Variants in FBXO22 observed in about 807,000 individuals in gnomAD.
The protein encoded by FBXO22 is F-box protein 22.
Under a neutral mutation model 37.2 loss-of-function variants are expected in FBXO22, and 13 were observed. The observed-to-expected ratio is 0.35, with a 90% CI of 0.23 to 0.56. The LOEUF is 0.56. Ranked by LOEUF, FBXO22 falls within the 20% of genes least tolerant of loss-of-function variation. The pLI is 0.87. For missense variants in FBXO22, 446 were observed against 509.9 expected (o/e 0.87, Z 1.21); for synonymous variants, 189 against 189.1 (o/e 1.00, Z 0.00).
intron 6 of FBXO22, chr15:75,930,258 C>A: frequency 7.0e-7 from 1 of 1,420,544 alleles, no homozygotes; most frequent in Non-Finnish European, 9.2e-7. Context: ...TATTGTCCTT[C>A]AAGAACTTCC....
In FBXO22 at chr15:75,928,844, C is replaced by T. The variant is rs543691615; in HGVS notation, c.629-1040C>T. 5.3e-5 allele frequency among the ~76,000 whole-genome samples: 8 copies of T among 152,286 alleles called. No homozygotes were observed. In the East Asian group the frequency reaches 5.8e-4, roughly 11 times the overall value. ...TCTGTTACACTCTGCCACCTCCTAG[C>T]GGTAGCAGCTTTTAGTTCCTGTGTC... is the stretch of plus-strand genomic sequence containing the variant. On this transcript the variant is annotated intron_variant, in intron 5 of 6. Transcript: ENST00000308275.
chr15:75,923,159 C>A (rs1227258195), intron 5 of FBXO22, among the ~76,000 whole-genome samples: 2 of 152,142 alleles, frequency 1.3e-5, no homozygotes, highest in African/African-American at 2.4e-5. Context: ...CTGGTTGAAG[C>A]TAGGACCCTA....
In FBXO22 at chr15:75,935,002, G is replaced by A. The variant is rs1234983218; in HGVS notation, c.*1900G>A. ...TGTTAAAGCATTCCTTTTTATAGCT[G>A]AGCCTTTGGAGCTTGTTATGAACAG... On this transcript the variant is annotated 3_prime_UTR_variant, in exon 7 of 7. Coordinates refer to ENST00000308275, the MANE Select transcript of FBXO22 (RefSeq NM_147188.3). 4 of 152,184 alleles carry A rather than the reference G, an allele frequency of 2.6e-5. No individual in the cohort carries two copies. Among genetic ancestry groups the A allele is most frequent in the Admixed American group, 2.6e-4 (4 of 15,276 alleles). The allele number at this position is 152,184 out of a possible 1,614,324, so 9.4% of individuals were successfully genotyped here.
chr15:75,923,960 C>T (rs1229604983), intron 5 of FBXO22, among the ~76,000 whole-genome samples: 5 of 151,896 alleles, frequency 3.3e-5, no homozygotes, highest in Non-Finnish European at 5.9e-5. Context: ...GAGGTGACAG[C>T]GATGTCATGC....
intron 5 of FBXO22, among the ~76,000 whole-genome samples, chr15:75,927,419 A>G (rs1402447204): frequency 6.6e-6 from 1 of 152,172 alleles, no homozygotes; most frequent in African/African-American, 2.4e-5. Flanking sequence ...TTTAGAAGTC[A>G]TGAGGTTTCT....
intron 5 of FBXO22, among the ~76,000 whole-genome samples, chr15:75,923,302 C>T (rs554714335): frequency 6.6e-6 from 1 of 152,256 alleles, no homozygotes; most frequent in Non-Finnish European, 1.5e-5. Flanking sequence ...GAAAAACAAC[C>T]CCAGAATTAT....
Position 75,932,944 on chromosome 15 carries a change from G to A in FBXO22, c.1054G>A (p.Val352Ile). 6.2e-7 allele frequency: 1 copy of A among 1,614,186 alleles called. No individual in the cohort carries two copies. Residue 352 changes from valine to isoleucine, a missense_variant, in exon 7 of 7, where the codon GTT becomes ATT. Physicochemically the swap from Val to Ile is conservative, Grantham distance 29 (BLOSUM62 3). This residue lies in a region of FBXO22 where 315 missense variants were observed against 410.1 expected (regional missense o/e 0.77). Coordinates refer to ENST00000308275, the MANE Select transcript of FBXO22 (RefSeq NM_147188.3). ...TGCATTTAGAAAGTTTTTTCCTAGT[G>A]TTCCCTTATTCGGCTTCTTTGGAAA... ...ADAFRKFFPS[V>I]PLFGFFGNGE...
In FBXO22 at chr15:75,904,630, G is replaced by A. The variant is rs1899880340; in HGVS notation, c.279+1G>A. ...TCGCGTGGTAGCAGAGGAGCTTGAG[G>A]CAAGTAGCAAGGGGTGTCATGCACA... On this transcript the variant is annotated splice_donor_variant, in intron 2 of 6. Transcript: ENST00000308275. LOFTEE classifies it high-confidence loss of function. 1 of 1,602,720 alleles carries A rather than the reference G, an allele frequency of 6.2e-7. No homozygotes were observed.
chr15:75,924,709 T>G (rs561372478), intron 5 of FBXO22, among the ~76,000 whole-genome samples: 1 of 152,266 alleles, frequency 6.6e-6, no homozygotes, highest in South Asian at 2.1e-4. Flanking sequence ...CAGCTCTACC[T>G]GTCTGTACCA....
At chr15:75,932,643 T>G (rs751785700) in intron 6 of FBXO22, 42 bp from the exon 7 acceptor site, 10 of 1,523,738 alleles carry the variant, frequency 6.6e-6, no homozygotes, top group Non-Finnish European at 8.8e-6. Context: ...CTTAAAAATT[T>G]TAATGTTTCA....
intron 5 of FBXO22, among the ~76,000 whole-genome samples, chr15:75,924,398 G>A (rs1339237231): frequency 1.3e-5 from 2 of 152,186 alleles, no homozygotes; most frequent in African/African-American, 4.8e-5. Context: ...CATTTGTACA[G>A]TCTTACATGG....
At position 75,904,002 on chromosome 15, in the gene FBXO22, C is replaced by T. The variant is rs747165436; in HGVS notation, c.39C>T (p.Ser13=). Reference sequence around the variant, plus strand: ...GCTGCTGCGGCGAGTGCCGCGGCTCCTCCGTAGACCCGCGGAGCACCTTCG... The same window carrying T: ...GCTGCTGCGGCGAGTGCCGCGGCTCTTCCGTAGACCCGCGGAGCACCTTCG... ...PVGCCGECRG[S]SVDPRSTFVL... Residue 13 remains serine (S), a synonymous_variant, in exon 1 of 7, where the codon TCC becomes TCT. Transcript: ENST00000308275. 1.1e-5 allele frequency: 18 copies of T among 1,578,988 alleles called. No individual in the cohort carries two copies. The highest frequency in any genetic ancestry group is 6.9e-5 in the South Asian group (6 of 86,562).
At chr15:75,927,978 G>A (rs1250559485) in intron 5 of FBXO22, among the ~76,000 whole-genome samples, 4 of 152,098 alleles carry the variant, frequency 2.6e-5, no homozygotes, top group African/African-American at 9.7e-5. Flanking sequence ...AGACATACAT[G>A]CGGCCAACAA....
At position 75,903,898 on chromosome 15, in the gene FBXO22, C is replaced by G; in HGVS notation, c.-66C>G. 1 of 1,428,016 alleles carries G rather than the reference C, an allele frequency of 7.0e-7. No individual in the cohort carries two copies. Among genetic ancestry groups the G allele is most frequent in the Non-Finnish European group, 9.2e-7 (1 of 1,088,134 alleles). The allele number at this position is 1,428,016 out of a possible 1,614,324, so 88.5% of individuals were successfully genotyped here. A position where few individuals can be genotyped will look rare whatever the true frequency, so the allele number is the denominator to read the frequency against. On this transcript the variant is annotated 5_prime_UTR_variant, in exon 1 of 7. Coordinates refer to ENST00000308275, the MANE Select transcript of FBXO22 (RefSeq NM_147188.3). ...TGCTCAGTGCGCGCCGGCCGGGCAA[C>G]CCTATGCTGGCGTAATCGGGTTCCT...
intron 4 of FBXO22, among the ~76,000 whole-genome samples, chr15:75,914,606 C>T (rs1900141992): frequency 6.6e-6 from 1 of 152,152 alleles, no homozygotes; most frequent in African/African-American, 2.4e-5. Context: ...GCTTTGGTAC[C>T]ACTCTTCAAT....
chr15:75,926,768 C>T (rs561450413), intron 5 of FBXO22, among the ~76,000 whole-genome samples: 1 of 152,318 alleles, frequency 6.6e-6, no homozygotes, highest in South Asian at 2.1e-4. Flanking sequence ...TGAATGGTTA[C>T]ATTCCTGTGA....
Position 75,933,767 on chromosome 15 carries a change from AC to A in FBXO22, c.*667del. On this transcript the variant is annotated 3_prime_UTR_variant, in exon 7 of 7. Coordinates refer to ENST00000308275, the MANE Select transcript of FBXO22 (RefSeq NM_147188.3). The stretch of plus-strand genomic sequence containing the variant: ...GTCTAAATAGCTAACTAACTGGTAG[AC>A]CAGAGTATTACATCATCTTATTTTG... 1 of 311,196 alleles carries A rather than the reference AC, an allele frequency of 3.2e-6. No individual in the cohort carries two copies. The highest frequency in any genetic ancestry group is 6.2e-6 in the Non-Finnish European group (1 of 160,772). The allele number at this position is 311,196 out of a possible 1,614,324, so 19.3% of individuals were successfully genotyped here. A position where few individuals can be genotyped will look rare whatever the true frequency, so the allele number is the denominator to read the frequency against.
At chr15:75,909,960 C>T (rs866267005) in intron 2 of FBXO22, among the ~76,000 whole-genome samples, 11 of 152,006 alleles carry the variant, frequency 7.2e-5, no homozygotes, top group African/African-American at 1.5e-4. Flanking sequence ...TGTTCCCTTC[C>T]CTGTGTCCAT....
intron 6 of FBXO22, among the ~76,000 whole-genome samples, chr15:75,931,968 C>T (rs1013725922): frequency 2.0e-5 from 3 of 152,146 alleles, no homozygotes; most frequent in Admixed American, 6.5e-5. Context: ...AATCCCAGAA[C>T]TTTGGGAGGC....
Sources: gnomAD v4.1 joint callset for allele counts (sites outside exome capture counted in the v4.1 genomes callset) on GRCh38, gnomAD v4.1.1 for gene constraint, gnomAD v4.1.1 regional missense constraint, MANE v1.5 for transcripts, NCBI Gene and HGNC (gene_info 2026-07-23, HGNC 2026-07-21) for gene names.